The following TRNAU1AP variants were observed in gnomAD, a reference collection of about 807,000 sequenced individuals.
The protein encoded by TRNAU1AP is tRNA selenocysteine 1 associated protein 1, also known as tRNA selenocysteine 1-associated protein 1.
A neutral mutation model predicts 43.3 loss-of-function variants in TRNAU1AP; 33 were observed. That is an observed-to-expected ratio of 0.76 (90% CI 0.58 to 1.02). The LOEUF is 1.02. Ranked by LOEUF, TRNAU1AP falls within the 50% of genes least tolerant of loss-of-function variation. The probability of loss-of-function intolerance (pLI) is 0.00; values close to 1 mark genes in which losing one functional copy is unlikely to be tolerated. For missense variants in TRNAU1AP, 290 were observed against 362.7 expected (o/e 0.80, Z 1.63); for synonymous variants, 143 against 129.1 (o/e 1.11, Z -0.73).
intron 4 of TRNAU1AP, among the ~76,000 whole-genome samples, chr1:28,561,774 C>CA (rs1665409394): frequency 6.6e-6 from 1 of 151,684 alleles, no homozygotes; most frequent in Non-Finnish European, 1.5e-5. Flanking sequence ...CCTGTCTCTA[C>CA]AAAAAAATAC....
intron 6 of TRNAU1AP, 31 bp from the exon 7 acceptor site, chr1:28,571,145 A>G (rs758928409): frequency 6.2e-7 from 1 of 1,610,038 alleles, no homozygotes. Context: ...ATGTTTGCTT[A>G]CACTTATTTT....
chr1:28,555,558 C>T (rs12025893), intron 2 of TRNAU1AP, among the ~76,000 whole-genome samples: 2 of 148,880 alleles, frequency 1.3e-5, no homozygotes, highest in East Asian at 2.0e-4. Context: ...AGTGCAGTGG[C>T]GCGATCTTGG....
intron 5 of TRNAU1AP, among the ~76,000 whole-genome samples, chr1:28,566,052 C>T (rs1665529471): frequency 6.6e-6 from 1 of 152,142 alleles, no homozygotes; most frequent in Non-Finnish European, 1.5e-5. Context: ...TGCGGTGGCT[C>T]ACGCCTGTAA....
At chr1:28,559,394 C>T (rs1021993022) in intron 2 of TRNAU1AP, among the ~76,000 whole-genome samples, 3 of 151,986 alleles carry the variant, frequency 2.0e-5, no homozygotes, top group Non-Finnish European at 4.4e-5. Flanking sequence ...TTTGAGAGGC[C>T]GAGGCGGGCA....
In TRNAU1AP at chr1:28,561,862, G is replaced by T. The variant is rs1284035656; in HGVS notation, c.278+464G>T. ...CCAAGGCGGGCGGATCACGAGGTCAGGAGATCGAGACCATCCTGGCTAACA... is the reference window on the plus strand; with the variant it reads ...CCAAGGCGGGCGGATCACGAGGTCATGAGATCGAGACCATCCTGGCTAACA... On this transcript the variant is annotated intron_variant, in intron 4 of 8. Transcript: ENST00000373830. Among the ~76,000 whole-genome samples the T allele has an allele frequency of 2.0e-5, 3 of 152,156 alleles. No individual in the cohort carries two copies. The East Asian group carries it at 5.8e-4, about 29-fold the overall frequency.
intron 8 of TRNAU1AP, among the ~76,000 whole-genome samples, chr1:28,575,472 T>G (rs898826243): frequency 2.0e-5 from 3 of 150,482 alleles, no homozygotes; most frequent in Non-Finnish European, 4.4e-5. Context: ...TTTGTTTTTT[T>G]TTTTTTTGAG....
chr1:28,554,620 A>C (rs972244897), intron 2 of TRNAU1AP, among the ~76,000 whole-genome samples: 2 of 151,816 alleles, frequency 1.3e-5, no homozygotes, highest in Non-Finnish European at 2.9e-5. Context: ...GGCAGGCCGG[A>C]TCACGAGGTC....
chr1:28,560,754 T>TG, intron 3 of TRNAU1AP, 22 bp downstream of exon 3: 1 of 1,561,372 alleles, frequency 6.4e-7, no homozygotes, highest in Non-Finnish European at 8.8e-7. Flanking sequence ...TAGATAATGA[T>TG]GATGTTGCCA....
rs539858865 is a variant in TRNAU1AP at position 28,561,815 on chromosome 1, A to G, written c.278+417A>G. Among the ~76,000 whole-genome samples the G allele has an allele frequency of 3.2e-4, 49 of 152,142 alleles. 1 individual carries two copies. The highest frequency in any genetic ancestry group is 7.2e-4 in the Admixed American group (11 of 15,262). The stretch of plus-strand genomic sequence containing the variant: ...TGGCCGGGTGTGGTGGCTCACTCCT[A>G]TAATCCCAGCACTTTGGGAGGCCAA... On this transcript the variant is annotated intron_variant, in intron 4 of 8. Transcript: ENST00000373830.
chr1:28,553,875 C>T (rs1665192063), intron 2 of TRNAU1AP, 138 bp downstream of exon 2: 1 of 774,090 alleles, frequency 1.3e-6, no homozygotes, highest in African/African-American at 1.7e-5. Context: ...TTTTGAGGTC[C>T]CAATGAGTGG....
chr1:28,554,833 ACT>A (rs777978588), intron 2 of TRNAU1AP, among the ~76,000 whole-genome samples: 381 of 143,956 alleles, frequency 2.6e-3, no homozygotes, highest in African/African-American at 9.5e-3. Flanking sequence ...GACAGCTGAG[ACT>A]CTGTCTCAAA....
chr1:28,554,708 G>T (rs1487542963), intron 2 of TRNAU1AP, among the ~76,000 whole-genome samples: 1 of 151,974 alleles, frequency 6.6e-6, no homozygotes, highest in Non-Finnish European at 1.5e-5. Flanking sequence ...GCTGGGCATG[G>T]TGGCGGGCAC....
rs768909623 is a variant in TRNAU1AP at position 28,567,347 on chromosome 1, C to T, written c.464C>T (p.Thr155Met). The change falls in exon 6 of 9, where the codon ACG (threonine) becomes ATG (methionine). Residue 155 changes from threonine to methionine, a missense_variant. By Grantham distance (81) the Thr-to-Met change is moderately conservative. Around this residue, in one of 3 missense-constraint regions of TRNAU1AP, gnomAD observed 174 missense variants for 262.1 expected, o/e 0.66. Transcript: ENST00000373830. ...TDELEQKRAL[T>M]ECQGAVGLGS... is the part of the protein sequence containing the mutation. Reference sequence around the variant, plus strand: ...GAACTGGAACAGAAGCGAGCCCTGACGGAGTGCCAGGGAGCAGTGGGACTG... The same window carrying T: ...GAACTGGAACAGAAGCGAGCCCTGATGGAGTGCCAGGGAGCAGTGGGACTG... 2.3e-5 allele frequency: 37 copies of T among 1,613,720 alleles called. No individual in the cohort carries two copies. The highest frequency in any genetic ancestry group is 1.6e-4 in the Middle Eastern group (1 of 6,082).
Position 28,561,199 on chromosome 1 carries a change from C to A in TRNAU1AP, c.226-147C>A, listed in dbSNP as rs908457733. The A allele has an allele frequency of 3.4e-6, 5 of 1,471,444 alleles. No individual in the cohort carries two copies. The African/African-American group carries it at 5.6e-5, about 17-fold the overall frequency. The allele number at this position is 1,471,444 out of a possible 1,614,324, so 91.1% of individuals were successfully genotyped here. On this transcript the variant is annotated intron_variant, in intron 3 of 8. Coordinates refer to ENST00000373830, the MANE Select transcript of TRNAU1AP (RefSeq NM_017846.5). The stretch of plus-strand genomic sequence containing the variant: ...GTGCCCTTAGCGGTCATCCGTGCAA[C>A]CCCCTCATTTTATACAGGAGAAAAA...
chr1:28,577,676 G>T lies in TRNAU1AP; in HGVS notation c.*40G>T, dbSNP rs766337769. 4 of 1,556,084 alleles carry T rather than the reference G, an allele frequency of 2.6e-6. No individual in the cohort carries two copies. The African/African-American group carries it at 5.5e-5, about 22-fold the overall frequency. ...AAGCCAGGTTGCATGATGTGAGGGA[G>T]ATGAGAGACTCCTTTTTAAAAATTG... On this transcript the variant is annotated 3_prime_UTR_variant, in exon 9 of 9. Transcript: ENST00000373830.
rs184583395 is a variant in TRNAU1AP, at chr1:28,553,707, G to C, written c.95G>C (p.Ser32Thr). Reference sequence around the variant, plus strand: ...GCCACCATGGGGGAGACCGTAATGAGCGTCAAAATTATCCGAAACCGCCTC... The same window carrying C: ...GCCACCATGGGGGAGACCGTAATGACCGTCAAAATTATCCGAAACCGCCTC... ...AFATMGETVM[S>T]VKIIRNRLTG... The change falls in exon 2 of 9, where the codon AGC becomes ACC. Residue 32 changes from serine to threonine, a missense_variant. This residue lies in a region of TRNAU1AP where 59 missense variants were observed against 45.5 expected (regional missense o/e 1.30). Transcript: ENST00000373830. The C allele has an allele frequency of 1.2e-6, 2 of 1,614,170 alleles. No individual in the cohort carries two copies. Among genetic ancestry groups the C allele is most frequent in the Non-Finnish European group, 8.5e-7 (1 of 1,180,020 alleles).
intron 4 of TRNAU1AP, among the ~76,000 whole-genome samples, 196 bp from the exon 5 acceptor site, chr1:28,564,507 G>A (rs975945047): frequency 6.6e-6 from 1 of 152,160 alleles, no homozygotes; most frequent in African/African-American, 2.4e-5. Context: ...GTGGGTGAGG[G>A]ATTTGGGGCA....
chr1:28,553,765 T>G, intron 2 of TRNAU1AP, 28 bp downstream of exon 2: 2 of 1,583,922 alleles, frequency 1.3e-6, no homozygotes, highest in Non-Finnish European at 1.7e-6. Flanking sequence ...TCTCTCTTAA[T>G]ACATCTCGTT....
chr1:28,575,404 C>G (rs1160905602), intron 8 of TRNAU1AP, among the ~76,000 whole-genome samples: 2 of 151,758 alleles, frequency 1.3e-5, no homozygotes, highest in African/African-American at 4.8e-5. Flanking sequence ...CCGCCCGCCT[C>G]TGCCTCCCAA....
Sources: gnomAD v4.1 joint callset for allele counts (sites outside exome capture counted in the v4.1 genomes callset) on GRCh38, gnomAD v4.1.1 for gene constraint, gnomAD v4.1.1 regional missense constraint, MANE v1.5 for transcripts, NCBI Gene and HGNC (gene_info 2026-07-23, HGNC 2026-07-21) for gene names.